TNFRSF10A: variants seen among roughly 807,000 people sequenced by gnomAD.
TNFRSF10A encodes TNF receptor superfamily member 10a.
A neutral mutation model predicts 42.8 loss-of-function variants in TNFRSF10A; 44 were observed. That is an observed-to-expected ratio of 1.03 (90% CI 0.81 to 1.32). The LOEUF is 1.32. Among genes scored for constraint, TNFRSF10A ranks in the 40% most tolerant of loss-of-function variants. TNFRSF10A has a pLI of 0.00. For synonymous variants in TNFRSF10A, 259 were observed against 234.2 expected, an observed-to-expected ratio of 1.11 and a Z score of -0.97; for missense variants, 680 against 602.0, an observed-to-expected ratio of 1.13 and a Z score of -1.36.
intron 6 of TNFRSF10A, 83 bp downstream of exon 6, chr8:23,200,422 C>A: frequency 6.7e-7 from 1 of 1,482,496 alleles, no homozygotes; most frequent in African/African-American, 1.4e-5. Context: ...GGACTTGGGG[C>A]AGGGGTGAGC....
chr8:23,197,553 C>T (rs1034242951), intron 8 of TNFRSF10A, among the ~76,000 whole-genome samples: 5 of 152,142 alleles, frequency 3.3e-5, no homozygotes, highest in Admixed American at 6.5e-5. Flanking sequence ...AGGACCATCT[C>T]GTTGCAGGAA....
At chr8:23,218,220 G>A (rs952504635) in intron 1 of TNFRSF10A, among the ~76,000 whole-genome samples, 1 of 151,986 alleles carries the variant, frequency 6.6e-6, no homozygotes, top group African/African-American at 2.4e-5. Flanking sequence ...TCTTGTTCCA[G>A]GTCTTCTCCT....
chr8:23,191,623 T>TAA lies in TNFRSF10A; in HGVS notation c.*69_*70dup, dbSNP rs34127830. On this transcript the variant is annotated 3_prime_UTR_variant, in exon 10 of 10. Coordinates refer to ENST00000221132, the MANE Select transcript of TNFRSF10A (RefSeq NM_003844.4). ...CTAAGAATTTACTTTGTATACATGT[T>TAA]AAAAAAAAAAAAAACCTAATATGTA... 21,282 of 1,287,668 alleles carry TAA rather than the reference T, an allele frequency of 0.017. 1 individual carries two copies. The highest frequency in any genetic ancestry group is 0.045 in the South Asian group (2,777 of 61,050). The allele number at this position is 1,287,668 out of a possible 1,614,324, so 79.8% of individuals were successfully genotyped here.
At chr8:23,205,474 A>T (rs2128849008) in intron 2 of TNFRSF10A, among the ~76,000 whole-genome samples, 1 of 152,248 alleles carries the variant, frequency 6.6e-6, no homozygotes, top group East Asian at 1.9e-4. Context: ...TGTATTTTTG[A>T]TACTATACAT....
At chr8:23,215,233 G>A (rs1300558622) in intron 1 of TNFRSF10A, among the ~76,000 whole-genome samples, 1 of 152,134 alleles carries the variant, frequency 6.6e-6, no homozygotes, top group Non-Finnish European at 1.5e-5. Context: ...GAAGAGCAGG[G>A]GGGCCGGGCG....
rs1800895854 is a variant in TNFRSF10A at position 23,200,603 on chromosome 8, G to A, written c.704-3C>T. ...CACCCATATATTATGTCCATTGCCT[G>A]AGAAAAGACAGGAAAAGACAGGAGT... On this transcript the variant is annotated splice_polypyrimidine_tract_variant and splice_region_variant and intron_variant, in intron 5 of 9. Coordinates refer to ENST00000221132, the MANE Select transcript of TNFRSF10A (RefSeq NM_003844.4). The A allele has an allele frequency of 3.7e-6, 6 of 1,614,152 alleles. No individual in the cohort carries two copies. Among genetic ancestry groups the A allele is most frequent in the Non-Finnish European group, 5.1e-6 (6 of 1,179,984 alleles).
In TNFRSF10A at chr8:23,224,949, C is replaced by T; in HGVS notation, c.113G>A (p.Trp38Ter). The part of the protein sequence containing the change: ...EAAAATPSKV[W>*]GSSAGRIEPR... ...TTCAATCCTCCCCGCGGAAGAGCCCCACACTTTGCTGGGTGTGGCCGCGGC... is the reference window on the plus strand; with the variant it reads ...TTCAATCCTCCCCGCGGAAGAGCCCTACACTTTGCTGGGTGTGGCCGCGGC... The change falls in exon 1 of 10, where the codon TGG becomes TAG. Residue 38 changes from tryptophan to a stop codon, truncating the protein, a stop_gained. Transcript: ENST00000221132. LOFTEE classifies it high-confidence loss of function. 6.2e-7 allele frequency: 1 copy of T among 1,600,568 alleles called. No homozygotes were observed. The highest frequency in any genetic ancestry group is 8.5e-7 in the Non-Finnish European group (1 of 1,173,666).
intron 1 of TNFRSF10A, among the ~76,000 whole-genome samples, chr8:23,219,584 A>G (rs1801229307): frequency 6.6e-6 from 1 of 152,236 alleles, no homozygotes; most frequent in South Asian, 2.1e-4. Flanking sequence ...CACACTGTTA[A>G]GGAGAAAATC....
intron 9 of TNFRSF10A, among the ~76,000 whole-genome samples, chr8:23,192,294 C>G (rs965282917): frequency 6.6e-6 from 1 of 152,176 alleles, no homozygotes; most frequent in Admixed American, 6.5e-5. Flanking sequence ...ATTGACCCTA[C>G]GGAGGCAGAA....
rs1184619500 is a variant in TNFRSF10A, at chr8:23,200,504, C to T, written c.799+1G>A. On this transcript the variant is annotated splice_donor_variant, in intron 6 of 9. Transcript: ENST00000221132. LOFTEE classifies it high-confidence loss of function. ...AGCCCTTGCCCTCAGCCAGCACCTA[C>T]CTGAGCCGATGCAACAACAGACAAT... 6.2e-7 allele frequency: 1 copy of T among 1,614,178 alleles called. No individual in the cohort carries two copies. The highest frequency in any genetic ancestry group is 8.5e-7 in the Non-Finnish European group (1 of 1,180,018).
intron 1 of TNFRSF10A, among the ~76,000 whole-genome samples, chr8:23,218,625 G>A (rs1801216408): frequency 6.6e-6 from 1 of 150,772 alleles, no homozygotes; most frequent in African/African-American, 2.4e-5. Context: ...AATAAGAGGT[G>A]GCTTTACATG....
chr8:23,215,010 T>C (rs1801156270), intron 1 of TNFRSF10A, among the ~76,000 whole-genome samples: 1 of 152,192 alleles, frequency 6.6e-6, no homozygotes, highest in Non-Finnish European at 1.5e-5. Context: ...GGTAGTAATG[T>C]ACTGATGCTT....
In TNFRSF10A at chr8:23,191,734, T is replaced by C. The variant is rs756496830; in HGVS notation, c.1367A>G (p.Tyr456Cys). 1 of 1,614,176 alleles carries C rather than the reference T, an allele frequency of 6.2e-7. No homozygotes were observed. Among genetic ancestry groups the C allele is most frequent in the South Asian group, 1.1e-5 (1 of 91,086 alleles). Residue 456 changes from tyrosine to cysteine, a missense_variant, in exon 10 of 10, where the codon TAC becomes TGC. Coordinates refer to ENST00000221132, the MANE Select transcript of TNFRSF10A (RefSeq NM_003844.4). Reference sequence around the variant, plus strand: ...GGCAGAGCCTGTGCCATCTTCTAAGTAGATGAACTTTCCAGAGTCCACCAA... The same window carrying C: ...GGCAGAGCCTGTGCCATCTTCTAAGCAGATGAACTTTCCAGAGTCCACCAA... ...DLLVDSGKFI[Y>C]LEDGTGSAVS... is the part of the protein sequence containing the mutation.
At chr8:23,208,501 G>T (rs1392760378) in intron 2 of TNFRSF10A, among the ~76,000 whole-genome samples, 1 of 152,130 alleles carries the variant, frequency 6.6e-6, no homozygotes, top group African/African-American at 2.4e-5. Context: ...CTGTTGCCCA[G>T]GCTGGAGTGC....
At chr8:23,196,153 G>C (rs1257574794) in intron 9 of TNFRSF10A, among the ~76,000 whole-genome samples, 1 of 151,906 alleles carries the variant, frequency 6.6e-6, no homozygotes, top group African/African-American at 2.4e-5. Context: ...CATCTTGATT[G>C]CTTCCTTACC....
chr8:23,202,440 G>A (rs1800944812), intron 3 of TNFRSF10A, among the ~76,000 whole-genome samples: 1 of 152,164 alleles, frequency 6.6e-6, no homozygotes, highest in African/African-American at 2.4e-5. Flanking sequence ...CTACCCTCTT[G>A]GAGCTGATAG....
chr8:23,200,781 AGG>A, intron 4 of TNFRSF10A, 21 bp from the exon 5 acceptor site: 10 of 705,622 alleles, frequency 1.4e-5, no homozygotes, highest in Non-Finnish European at 2.3e-5. Flanking sequence ...ACAGGGAGGG[AGG>A]GGGGGGACTC....
chr8:23,195,883 G>A (rs1310895870), intron 9 of TNFRSF10A, among the ~76,000 whole-genome samples: 1 of 152,162 alleles, frequency 6.6e-6, no homozygotes, highest in African/African-American at 2.4e-5. Context: ...GAAAGATCCA[G>A]GACCAGACTC....
rs1800882810 is a variant in TNFRSF10A, at chr8:23,199,881, C to G, written c.831+5G>C. On this transcript the variant is annotated splice_donor_5th_base_variant and intron_variant, in intron 7 of 9. Transcript: ENST00000221132. ...TGCCCCCAGCTCCTGGAGAAATCAACTCACCCTGTCCATGCACTTGGGGTC... is the reference window on the plus strand; with the variant it reads ...TGCCCCCAGCTCCTGGAGAAATCAAGTCACCCTGTCCATGCACTTGGGGTC... 1 of 1,614,180 alleles carries G rather than the reference C, an allele frequency of 6.2e-7. No homozygotes were observed. The highest frequency in any genetic ancestry group is 8.5e-7 in the Non-Finnish European group (1 of 1,180,016).
Sources: allele counts gnomAD v4.1 joint callset (sites outside exome capture counted in the v4.1 genomes callset), GRCh38; gene constraint gnomAD v4.1.1; transcripts MANE v1.5; gene names NCBI Gene and HGNC (gene_info 2026-07-23, HGNC 2026-07-21).